The following STXBP6 variants were observed in gnomAD, a reference collection of about 807,000 sequenced individuals.
The protein encoded by STXBP6 is syntaxin binding protein 6.
STXBP6 carries 21 observed loss-of-function variants against 26.9 expected under a neutral mutation model. The ratio of observed to expected loss-of-function variants is 0.78; its 90% CI spans 0.55 to 1.12. The LOEUF (loss-of-function observed/expected upper bound fraction) is 1.12, where lower values mean the gene tolerates loss of function less well. STXBP6 is among the 50% of genes most tolerant of loss of function. STXBP6 has a pLI of 0.00. For missense variants in STXBP6, 232 were observed against 257.9 expected (o/e 0.90, Z 0.69); for synonymous variants, 97 against 92.6 (o/e 1.05, Z -0.27).
At chr14:24,888,768 T>G (rs1472909794) in intron 2 of STXBP6, among the ~76,000 whole-genome samples, 1 of 151,974 alleles carries the variant, frequency 6.6e-6, no homozygotes, top group Non-Finnish European at 1.5e-5. Context: ...CAGAAAATAT[T>G]TAGATGCCCC....
chr14:24,838,372 G>C (rs2068684731), intron 4 of STXBP6, among the ~76,000 whole-genome samples: 1 of 152,080 alleles, frequency 6.6e-6, no homozygotes, highest in South Asian at 2.1e-4. Flanking sequence ...TGTGGAATTG[G>C]AGGAAATGTG....
intron 1 of STXBP6, among the ~76,000 whole-genome samples, chr14:25,005,601 A>G (rs1266078319): frequency 6.6e-6 from 1 of 152,220 alleles, no homozygotes; most frequent in African/African-American, 2.4e-5. Flanking sequence ...TCACGTGCAC[A>G]CAGAATGCTT....
At chr14:25,030,713 T>C (rs574415571) in intron 1 of STXBP6, among the ~76,000 whole-genome samples, 9 of 152,218 alleles carry the variant, frequency 5.9e-5, no homozygotes, top group South Asian at 2.1e-4. Flanking sequence ...TTCCTATCTG[T>C]CCCTCCTCGG....
chr14:24,846,512 T>C (rs926751159), intron 4 of STXBP6, among the ~76,000 whole-genome samples: 9 of 152,204 alleles, frequency 5.9e-5, no homozygotes, highest in Non-Finnish European at 8.8e-5. Flanking sequence ...TTTCCATATT[T>C]GTTTTGGCTG....
chr14:25,040,478 G>T (rs1278902067), intron 1 of STXBP6, among the ~76,000 whole-genome samples: 3 of 152,168 alleles, frequency 2.0e-5, no homozygotes, highest in Non-Finnish European at 4.4e-5. Flanking sequence ...ATAGAGATAA[G>T]TAACAGTACC....
intron 1 of STXBP6, among the ~76,000 whole-genome samples, chr14:25,033,922 T>C (rs1036840639): frequency 6.6e-6 from 1 of 152,178 alleles, no homozygotes; most frequent in Non-Finnish European, 1.5e-5. Flanking sequence ...AAAAAGTGCC[T>C]GAGAAAATGC....
At chr14:25,038,899 C>G (rs2075597185) in intron 1 of STXBP6, among the ~76,000 whole-genome samples, 1 of 152,002 alleles carries the variant, frequency 6.6e-6, no homozygotes, top group Non-Finnish European at 1.5e-5. Context: ...TCAAAAGATA[C>G]AAATTTTCAG....
At chr14:24,961,066 G>T (rs1316130931) in intron 2 of STXBP6, among the ~76,000 whole-genome samples, 2 of 152,144 alleles carry the variant, frequency 1.3e-5, no homozygotes, top group African/African-American at 4.8e-5. Flanking sequence ...GATTCTTGTG[G>T]ACATAAAAAT....
At chr14:24,826,527 T>G (rs2068288737) in intron 4 of STXBP6, among the ~76,000 whole-genome samples, 1 of 152,196 alleles carries the variant, frequency 6.6e-6, no homozygotes, top group African/African-American at 2.4e-5. Flanking sequence ...ACTGTTACTT[T>G]CGTATGCCAC....
chr14:24,837,664 C>T (rs956585401), intron 4 of STXBP6, among the ~76,000 whole-genome samples: 2 of 152,124 alleles, frequency 1.3e-5, no homozygotes, highest in Non-Finnish European at 2.9e-5. Context: ...GTGCTCATTT[C>T]GGCAAAGGCT....
At chr14:24,975,711 C>G (rs1024147122) in intron 1 of STXBP6, among the ~76,000 whole-genome samples, 7 of 152,144 alleles carry the variant, frequency 4.6e-5, no homozygotes, top group Non-Finnish European at 8.8e-5. Context: ...ACATACATAG[C>G]CCCCATGTTA....
intron 2 of STXBP6, among the ~76,000 whole-genome samples, chr14:24,923,489 A>G (rs540071693): frequency 1.6e-4 from 24 of 152,224 alleles, no homozygotes; most frequent in African/African-American, 5.1e-4. Context: ...GTACTAGCCA[A>G]GCCCTATAAG....
chr14:24,958,367 C>T (rs2073410938), intron 2 of STXBP6, among the ~76,000 whole-genome samples: 1 of 152,084 alleles, frequency 6.6e-6, no homozygotes, highest in Admixed American at 6.6e-5. Flanking sequence ...AAAACTCTCC[C>T]CCTGCTTGTG....
rs536785658 is a variant in STXBP6 at position 24,966,761 on chromosome 14, T to C, written c.154+7904A>G. 7.6e-4 allele frequency among the ~76,000 whole-genome samples: 116 copies of C among 152,330 alleles called. 1 individual carries two copies. Among genetic ancestry groups the C allele is most frequent in the Admixed American group, 2.0e-3 (30 of 15,300 alleles). On this transcript the variant is annotated intron_variant, in intron 2 of 5. Transcript: ENST00000323944. ...GAAAACAAATTCATATTTGGCAGTG[T>C]CCCTGCCAGGAGTCTCTCCAAATTT... is the stretch of plus-strand genomic sequence containing the variant.
At chr14:24,903,681 T>G (rs1449143747) in intron 2 of STXBP6, among the ~76,000 whole-genome samples, 1 of 152,174 alleles carries the variant, frequency 6.6e-6, no homozygotes, top group African/African-American at 2.4e-5. Flanking sequence ...TATATTTTGT[T>G]ATTTATAACT....
intron 4 of STXBP6, among the ~76,000 whole-genome samples, chr14:24,821,817 A>G (rs1039482617): frequency 1.3e-5 from 2 of 152,160 alleles, no homozygotes; most frequent in African/African-American, 4.8e-5. Flanking sequence ...CTGGATTACA[A>G]ATTCTCAGAG....
intron 4 of STXBP6, among the ~76,000 whole-genome samples, chr14:24,836,846 C>T (rs555210683): frequency 6.6e-6 from 1 of 152,216 alleles, no homozygotes; most frequent in South Asian, 2.1e-4. Context: ...TAATTAAGCA[C>T]TTTTACGGCA....
At chr14:25,045,678 A>G (rs2075716333) in intron 1 of STXBP6, among the ~76,000 whole-genome samples, 1 of 147,076 alleles carries the variant, frequency 6.8e-6, no homozygotes, top group Non-Finnish European at 1.5e-5. Flanking sequence ...ATCTCGGCTC[A>G]CTGCAACCTT....
chr14:24,955,398 T>C (rs1462256285), intron 2 of STXBP6, among the ~76,000 whole-genome samples: 1 of 152,164 alleles, frequency 6.6e-6, no homozygotes, highest in East Asian at 1.9e-4. Flanking sequence ...TGCAGCGCCT[T>C]CATCTTTCCT....
Sources: gnomAD v4.1 joint callset for allele counts (sites outside exome capture counted in the v4.1 genomes callset) on GRCh38, gnomAD v4.1.1 for gene constraint, MANE v1.5 for transcripts, NCBI Gene and HGNC (gene_info 2026-07-23, HGNC 2026-07-21) for gene names.